RORA: variants seen among roughly 807,000 people sequenced by gnomAD.
RORA encodes the protein nuclear receptor ROR-alpha.
A neutral mutation model predicts 69.5 loss-of-function variants in RORA; 7 were observed. That is an observed-to-expected ratio of 0.10 (90% CI 0.06 to 0.19). RORA has a LOEUF of 0.19. RORA is among the 10% of genes least tolerant of loss of function. The pLI, the probability that RORA is intolerant of heterozygous loss-of-function variation, is 1.00. For missense variants in RORA, 457 were observed against 663.0 expected (o/e 0.69, Z 3.41); for synonymous variants, 261 against 240.8 (o/e 1.08, Z -0.78).
In RORA at chr15:60,502,810, G is replaced by A; in HGVS notation, c.1133C>T (p.Thr378Ile). 1.2e-6 allele frequency: 2 copies of A among 1,614,022 alleles called. No individual in the cohort carries two copies. The highest frequency in any genetic ancestry group is 1.7e-6 in the Non-Finnish European group (2 of 1,179,896). ...GGCATACTTCCCATCAAAGTACACG[G>A]TGTTGTTCTGAGAGTCAAAGGCACG... The part of the protein sequence containing the change: ...MCRAFDSQNN[T>I]VYFDGKYASP... The change falls in exon 8 of 11, where the codon ACC (threonine) becomes ATC (isoleucine). Residue 378 changes from threonine to isoleucine, a missense_variant. Physicochemically the swap from Thr to Ile is moderately conservative, Grantham distance 89. Coordinates refer to ENST00000335670, the MANE Select transcript of RORA (RefSeq NM_134261.3).
At chr15:60,656,657 A>G (rs1231230496) in intron 2 of RORA, among the ~76,000 whole-genome samples, 1 of 152,198 alleles carries the variant, frequency 6.6e-6, no homozygotes, top group East Asian at 1.9e-4. Context: ...TGAGTATCTG[A>G]TTTGGAAAAC....
chr15:60,678,376 T>G (rs1449527760), intron 2 of RORA: 3 of 342,004 alleles, frequency 8.8e-6, no homozygotes, highest in Non-Finnish European at 1.6e-5. Context: ...CAGTAAGTAA[T>G]TGATCCTCCT....
At chr15:61,146,979 G>C (rs903304457) in intron 1 of RORA, among the ~76,000 whole-genome samples, 1 of 151,620 alleles carries the variant, frequency 6.6e-6, no homozygotes, top group Non-Finnish European at 1.5e-5. Flanking sequence ...TGAAGCAGAC[G>C]CTTTCACAAG....
At chr15:60,516,301 G>A (rs1378113248) in intron 3 of RORA, among the ~76,000 whole-genome samples, 3 of 124,882 alleles carry the variant, frequency 2.4e-5, no homozygotes, top group Admixed American at 2.1e-4. Flanking sequence ...GTCTCGCTGT[G>A]TTGTCCAGGC....
At chr15:61,012,700 A>G (rs1256128429) in intron 1 of RORA, among the ~76,000 whole-genome samples, 1 of 152,094 alleles carries the variant, frequency 6.6e-6, no homozygotes, top group African/African-American at 2.4e-5. Flanking sequence ...CCGAGGCTAG[A>G]GTACAGTGGT....
At chr15:60,518,452 G>C (rs1254276476) in intron 3 of RORA, among the ~76,000 whole-genome samples, 1 of 152,130 alleles carries the variant, frequency 6.6e-6, no homozygotes, top group Non-Finnish European at 1.5e-5. Flanking sequence ...AGACATCTTC[G>C]GGCTTTGCAG....
At chr15:60,689,010 C>T (rs2070785441) in intron 1 of RORA, among the ~76,000 whole-genome samples, 1 of 152,176 alleles carries the variant, frequency 6.6e-6, no homozygotes, top group South Asian at 2.1e-4. Flanking sequence ...TGATAAATCT[C>T]CAGGAGTTAG....
intron 1 of RORA, among the ~76,000 whole-genome samples, chr15:61,130,460 T>C (rs1419586302): frequency 1.3e-5 from 2 of 151,096 alleles, no homozygotes; most frequent in African/African-American, 4.8e-5. Context: ...ACCAAGTGAA[T>C]GCTTTGTGGA....
intron 1 of RORA, among the ~76,000 whole-genome samples, chr15:60,694,843 G>A (rs2070879410): frequency 6.6e-6 from 1 of 152,124 alleles, no homozygotes; most frequent in Admixed American, 6.5e-5. Context: ...TCACTAATTG[G>A]TCCCAGAATC....
intron 1 of RORA, among the ~76,000 whole-genome samples, chr15:60,966,282 G>A (rs1405230999): frequency 6.6e-6 from 1 of 152,150 alleles, no homozygotes; most frequent in Non-Finnish European, 1.5e-5. Flanking sequence ...GTCACATGCT[G>A]AGTATGGGGA....
At chr15:60,535,073 G>A (rs1320750670) in intron 2 of RORA, among the ~76,000 whole-genome samples, 2 of 152,106 alleles carry the variant, frequency 1.3e-5, no homozygotes, top group Non-Finnish European at 2.9e-5. Flanking sequence ...ACCAGGTAGT[G>A]TGGTGTCTTC....
At chr15:60,592,202 G>T (rs527984798) in intron 2 of RORA, among the ~76,000 whole-genome samples, 3 of 151,908 alleles carry the variant, frequency 2.0e-5, no homozygotes, top group Non-Finnish European at 4.4e-5. Context: ...GAGGCAGGCC[G>T]ATCCCGTGGC....
At chr15:60,949,101 T>G (rs560166938) in intron 1 of RORA, among the ~76,000 whole-genome samples, 11 of 152,174 alleles carry the variant, frequency 7.2e-5, no homozygotes, top group Non-Finnish European at 1.5e-4. Context: ...TCCTGCATTC[T>G]TTCCTTCCCC....
chr15:61,045,747 C>A (rs1896988599), intron 1 of RORA, among the ~76,000 whole-genome samples: 1 of 152,216 alleles, frequency 6.6e-6, no homozygotes, highest in Non-Finnish European at 1.5e-5. Context: ...AAAAATCTGA[C>A]AAGGGACTGG....
chr15:60,742,423 T>A (rs189881089), intron 1 of RORA, among the ~76,000 whole-genome samples: 138 of 152,334 alleles, frequency 9.1e-4, no homozygotes, highest in Admixed American at 4.6e-3. Flanking sequence ...GATATATGTA[T>A]ACACAGTCGA....
At chr15:60,595,518 G>GA (rs796526731) in intron 2 of RORA, among the ~76,000 whole-genome samples, 78 of 139,182 alleles carry the variant, frequency 5.6e-4, no homozygotes, top group Admixed American at 9.3e-4. Flanking sequence ...CTGTCTCAAG[G>GA]AAAAAAAAAA....
intron 1 of RORA, among the ~76,000 whole-genome samples, chr15:60,890,033 C>G (rs1323076000): frequency 6.6e-6 from 1 of 152,128 alleles, no homozygotes; most frequent in African/African-American, 2.4e-5. Context: ...GGAAGGTTCC[C>G]TACTGAAGGC....
chr15:60,654,438 T>C (rs1596100477), intron 2 of RORA, among the ~76,000 whole-genome samples: 1 of 152,260 alleles, frequency 6.6e-6, no homozygotes, highest in Non-Finnish European at 1.5e-5. Flanking sequence ...CAGAAACCCA[T>C]CCCACTTCTC....
chr15:61,109,334 C>T (rs571781844), intron 1 of RORA, among the ~76,000 whole-genome samples: 15 of 152,312 alleles, frequency 9.8e-5, no homozygotes, highest in Non-Finnish European at 2.2e-4. Flanking sequence ...GAACTTAGAA[C>T]AGTGGCTAGC....
Sources: gnomAD v4.1 joint callset for allele counts (sites outside exome capture counted in the v4.1 genomes callset) on GRCh38, gnomAD v4.1.1 for gene constraint, MANE v1.5 for transcripts, NCBI Gene and HGNC (gene_info 2026-07-23, HGNC 2026-07-21) for gene names.